The following KAZN variants were observed in gnomAD, a reference collection of about 807,000 sequenced individuals.
KAZN encodes kazrin.
In KAZN, 40 loss-of-function variants were observed where a neutral mutation model predicts 87.4. The ratio of observed to expected loss-of-function variants is 0.46; its 90% confidence interval spans 0.36 to 0.60. The LOEUF (loss-of-function observed/expected upper bound fraction) is 0.60. KAZN is among the 20% of genes least tolerant of loss of function. The pLI, the probability that KAZN is intolerant of heterozygous loss-of-function variation, is 0.00. For synonymous variants in KAZN, 466 were observed against 458.3 expected, an observed-to-expected ratio of 1.02 and a Z score of -0.22; for missense variants, 898 against 1,073.9, an observed-to-expected ratio of 0.84 and a Z score of 2.29.
At position 14,246,341 on chromosome 1, in the gene KAZN, T is replaced by A. The variant is rs991579956; in HGVS notation, c.249+65749T>A. On this transcript the variant is annotated intron_variant, in intron 2 of 16. Coordinates refer to the KAZN transcript ENST00000636203. ...TACCCCAGAACTTAATTAAAAAATA[T>A]ATAGTATTTTTTGTTGTTATTTATT... Among the ~76,000 whole-genome samples, 14 of 152,176 alleles carry A rather than the reference T, an allele frequency of 9.2e-5. No homozygotes were observed. The East Asian group carries it at 1.3e-3, about 15-fold the overall frequency.
At chr1:14,744,019 G>C (rs1431602064) in intron 1 of KAZN, among the ~76,000 whole-genome samples, 1 of 152,108 alleles carries the variant, frequency 6.6e-6, no homozygotes, top group Non-Finnish European at 1.5e-5. Flanking sequence ...ACCACTCTTG[G>C]CTACTGTACA....
At chr1:14,575,066 T>C (rs1675096843) in intron 2 of KAZN, among the ~76,000 whole-genome samples, 1 of 152,174 alleles carries the variant, frequency 6.6e-6, no homozygotes, top group South Asian at 2.1e-4. Flanking sequence ...ACCCTTTATT[T>C]CACACGAAGG....
At chr1:15,065,210 T>G (rs1373819362) in intron 7 of KAZN, among the ~76,000 whole-genome samples, 1 of 151,980 alleles carries the variant, frequency 6.6e-6, no homozygotes, top group Non-Finnish European at 1.5e-5. Context: ...GTATTTTTAG[T>G]AGAGACAGGG....
At chr1:14,961,469 C>T (rs989891212) in intron 2 of KAZN, among the ~76,000 whole-genome samples, 2 of 152,200 alleles carry the variant, frequency 1.3e-5, no homozygotes, top group Non-Finnish European at 2.9e-5. Context: ...CATGCTCAGC[C>T]TGGTTTCCCT....
intron 2 of KAZN, among the ~76,000 whole-genome samples, chr1:14,965,954 C>T (rs1169525204): frequency 6.7e-6 from 1 of 149,848 alleles, no homozygotes; most frequent in Non-Finnish European, 1.5e-5. Context: ...AACATAAGTA[C>T]AGTTATCTTT....
In KAZN at chr1:15,077,594, C is replaced by T. The variant is rs1384526536; in HGVS notation, c.1222+11841C>T. Among the ~76,000 whole-genome samples the T allele has an allele frequency of 6.6e-6, 1 of 152,232 alleles. No individual in the cohort carries two copies. The highest frequency in any genetic ancestry group is 1.5e-5 in the Non-Finnish European group (1 of 68,046). On this transcript the variant is annotated intron_variant, in intron 8 of 14. Coordinates refer to ENST00000376030, the MANE Select transcript of KAZN (RefSeq NM_201628.3). This position sits in a 1 kb window ranked among gnomAD's most constrained non-coding sequence, Gnocchi z 4.8. ...TACACAGGACCAGGTCAGCTGCTTG[C>T]AGCCACGTGACTCAGTTGTTTTTTA...
intron 2 of KAZN, among the ~76,000 whole-genome samples, chr1:14,361,784 T>A (rs186179327): frequency 5.9e-5 from 9 of 152,338 alleles, no homozygotes; most frequent in African/African-American, 2.2e-4. Flanking sequence ...TCACCCACCT[T>A]CTGGATTGAT....
chr1:14,795,341 A>C (rs1255963108), intron 1 of KAZN, among the ~76,000 whole-genome samples: 1 of 152,154 alleles, frequency 6.6e-6, no homozygotes, highest in Non-Finnish European at 1.5e-5. Flanking sequence ...CAGAGAGCAC[A>C]ACACGGGGTC....
intron 2 of KAZN, among the ~76,000 whole-genome samples, chr1:14,356,107 T>C (rs1190637286): frequency 6.6e-6 from 1 of 152,236 alleles, no homozygotes; most frequent in Non-Finnish European, 1.5e-5. Context: ...TCCTGACTTT[T>C]TAATGATTGC....
rs1273939774 is a variant in KAZN, at chr1:15,116,331, G to C, written c.*1696G>C. 1 of 152,188 alleles carries C rather than the reference G, an allele frequency of 6.6e-6. No individual in the cohort carries two copies. The highest frequency in any genetic ancestry group is 1.5e-5 in the Non-Finnish European group (1 of 68,034). 9.4% of individuals were successfully genotyped at this position (152,188 alleles called of 1,614,324 possible). ...GGGGAAGCCGAGCTCTGATGAACTT[G>C]AGAATTACACCTCTCTCATGCCGAA... On this transcript the variant is annotated 3_prime_UTR_variant, in exon 15 of 15. Coordinates refer to ENST00000376030, the MANE Select transcript of KAZN (RefSeq NM_201628.3).
intron 1 of KAZN, among the ~76,000 whole-genome samples, chr1:14,708,561 C>T (rs1456220236): frequency 6.6e-6 from 1 of 152,152 alleles, no homozygotes; most frequent in African/African-American, 2.4e-5. Context: ...AGGTTGACAT[C>T]AGAGAGTTTT....
At chr1:13,951,623 GATAATAATA>G (rs6143132) in intron 1 of KAZN, among the ~76,000 whole-genome samples, 2,308 of 148,436 alleles carry the variant, frequency 0.016, 32 homozygotes, top group Non-Finnish European at 0.024. Flanking sequence ...CTAAAATGGA[GATAATAATA>G]ATAATAATAA....
intron 2 of KAZN, among the ~76,000 whole-genome samples, chr1:15,024,601 GC>G: frequency 1.3e-5 from 2 of 152,336 alleles, no homozygotes; most frequent in Middle Eastern, 3.4e-3. Context: ...AAAAGGGGAG[GC>G]CTCAGTTTCC....
At chr1:14,683,341 C>T (rs552314458) in intron 1 of KAZN, among the ~76,000 whole-genome samples, 48 of 152,140 alleles carry the variant, frequency 3.2e-4, no homozygotes, top group African/African-American at 1.2e-4. Flanking sequence ...GTCAAACACA[C>T]GAATTATATT....
chr1:14,092,019 A>G (rs933485951), intron 1 of KAZN, among the ~76,000 whole-genome samples: 4 of 152,036 alleles, frequency 2.6e-5, no homozygotes, highest in African/African-American at 9.7e-5. Context: ...CCTTTACAAT[A>G]ATGGCTCTTA....
intron 1 of KAZN, among the ~76,000 whole-genome samples, chr1:13,982,661 G>A (rs374349634): frequency 5.3e-5 from 8 of 152,246 alleles, no homozygotes; most frequent in East Asian, 1.9e-4. Flanking sequence ...TGATTGGTGC[G>A]TTTACAATCC....
intron 1 of KAZN, among the ~76,000 whole-genome samples, chr1:14,664,192 G>A (rs968706052): frequency 4.1e-4 from 63 of 152,336 alleles, no homozygotes; most frequent in African/African-American, 1.5e-3. Context: ...AAGCACCTTG[G>A]GAGGCCGAGG....
chr1:13,905,813 A>C (rs1318460617), intron 1 of KAZN, among the ~76,000 whole-genome samples: 4 of 152,174 alleles, frequency 2.6e-5, no homozygotes, highest in Non-Finnish European at 4.4e-5. Context: ...AATTTCCTAT[A>C]GCCATTATAA....
chr1:14,287,279 G>A (rs1653329174), intron 2 of KAZN, among the ~76,000 whole-genome samples: 1 of 152,144 alleles, frequency 6.6e-6, no homozygotes, highest in East Asian at 1.9e-4. Flanking sequence ...GTCTTTCTCT[G>A]CACTCATCTA....
Sources: gnomAD v4.1 joint callset for allele counts (sites outside exome capture counted in the v4.1 genomes callset) on GRCh38, gnomAD v4.1.1 for gene constraint, Gnocchi (gnomAD v3.1) non-coding constraint, MANE v1.5 for transcripts, NCBI Gene and HGNC (gene_info 2026-07-23, HGNC 2026-07-21) for gene names.